EHD3: variants seen among roughly 807,000 people sequenced by gnomAD.
EHD3 encodes the protein EH domain containing 3, also known as EH domain-containing protein 3.
In EHD3, 17 loss-of-function variants were observed where a neutral mutation model predicts 43.0. The observed-to-expected ratio is 0.40, with a 90% CI of 0.27 to 0.59. EHD3 has a LOEUF of 0.59. Ranked by LOEUF, EHD3 falls within the 20% of genes least tolerant of loss-of-function variation. The pLI is 0.49. For missense variants in EHD3, 594 were observed against 705.6 expected, an observed-to-expected ratio of 0.84 and a Z score of 1.79; for synonymous variants, 313 against 289.5, an observed-to-expected ratio of 1.08 and a Z score of -0.82.
intron 5 of EHD3, among the ~76,000 whole-genome samples, chr2:31,263,216 C>T (rs925898433): frequency 8.5e-5 from 13 of 152,202 alleles, no homozygotes; most frequent in African/African-American, 1.2e-4. Flanking sequence ...GCGGGTTTCC[C>T]GGTCCTTGAC....
At chr2:31,261,023 ATG>A in intron 4 of EHD3, 101 bp downstream of exon 4, 1 of 1,364,360 alleles carries the variant, frequency 7.3e-7, no homozygotes, top group African/African-American at 1.5e-5. Context: ...CCAGTGCATC[ATG>A]TGTGTGACAC....
chr2:31,258,921 T>G (rs534651552), intron 3 of EHD3, among the ~76,000 whole-genome samples: 2 of 152,294 alleles, frequency 1.3e-5, no homozygotes, highest in Admixed American at 6.5e-5. Context: ...GGGATTCTGA[T>G]GGAGGCTAAG....
chr2:31,236,048 C>T (rs1489184850), intron 1 of EHD3, among the ~76,000 whole-genome samples: 1 of 152,196 alleles, frequency 6.6e-6, no homozygotes, highest in African/African-American at 2.4e-5. Context: ...GCATCCACAG[C>T]ATGTGAAATG....
chr2:31,250,139 A>G (rs1340711001), intron 3 of EHD3, among the ~76,000 whole-genome samples: 1 of 151,964 alleles, frequency 6.6e-6, no homozygotes, highest in Non-Finnish European at 1.5e-5. Context: ...GAATAGTATT[A>G]TCCATCTTAC....
At chr2:31,253,728 C>T (rs983320313) in intron 3 of EHD3, among the ~76,000 whole-genome samples, 1 of 152,040 alleles carries the variant, frequency 6.6e-6, no homozygotes, top group Non-Finnish European at 1.5e-5. Context: ...GGGCCTGGGG[C>T]GGGGTGTGTC....
At position 31,266,546 on chromosome 2, in the gene EHD3, A is replaced by G; in HGVS notation, c.1450A>G (p.Ile484Val). 1 of 1,614,126 alleles carries G rather than the reference A, an allele frequency of 6.2e-7. No individual in the cohort carries two copies. ...GCTGCCCAACAGTGTGCTGGGCAAG[A>G]TCTGGAAGCTGGCCGACATTGACAA... is the stretch of plus-strand genomic sequence containing the variant. Reference protein sequence around the residue: ...SKLPNSVLGKIWKLADIDKDG... With the variant: ...SKLPNSVLGKVWKLADIDKDG... Residue 484 changes from isoleucine (I) to valine (V), a missense_variant, in exon 6 of 6, where the codon ATC becomes GTC. Physicochemically the swap from Ile to Val is conservative, Grantham distance 29. This residue lies in a region of EHD3 where 322 missense variants were observed against 348.0 expected (regional missense o/e 0.93). Coordinates refer to ENST00000322054, the MANE Select transcript of EHD3 (RefSeq NM_014600.3). This position sits in a 1 kb window ranked among gnomAD's most constrained non-coding sequence, Gnocchi z 5.1.
chr2:31,234,365 C>T lies in EHD3; in HGVS notation c.-257C>T, dbSNP rs1029842708. 36 of 512,918 alleles carry T rather than the reference C, an allele frequency of 7.0e-5. No homozygotes were observed. The Admixed American group carries it at 1.2e-3, about 18-fold the overall frequency. 31.8% of individuals were successfully genotyped at this position (512,918 alleles called of 1,614,324 possible). A position where few individuals can be genotyped will look rare whatever the true frequency, so the allele number is the denominator to read the frequency against. The stretch of plus-strand genomic sequence containing the variant: ...TTTAATTGCCAAGATTTCACCCCTC[C>T]TCCTCAAGCCCAGATTATTTATCCT... On this transcript the variant is annotated 5_prime_UTR_variant, in exon 1 of 6. Coordinates refer to ENST00000322054, the MANE Select transcript of EHD3 (RefSeq NM_014600.3).
intron 1 of EHD3, among the ~76,000 whole-genome samples, chr2:31,240,981 C>T (rs1683411440): frequency 6.6e-6 from 1 of 152,162 alleles, no homozygotes; most frequent in Non-Finnish European, 1.5e-5. Flanking sequence ...TGGAATCTTT[C>T]TCGTGAAGGG....
chr2:31,252,389 G>A (rs749667901), intron 3 of EHD3, among the ~76,000 whole-genome samples: 3 of 152,210 alleles, frequency 2.0e-5, no homozygotes, highest in African/African-American at 7.2e-5. Flanking sequence ...GTATGTGGCA[G>A]GCTGGTTCCC....
chr2:31,260,814 G>A lies in EHD3; in HGVS notation c.807G>A (p.Lys269=). 6.2e-7 allele frequency: 1 copy of A among 1,614,184 alleles called. No individual in the cohort carries two copies. The highest frequency in any genetic ancestry group is 8.5e-7 in the Non-Finnish European group (1 of 1,180,032). The change falls in exon 4 of 6, where the codon AAG becomes AAA. Residue 269 remains lysine (K), a synonymous_variant. Transcript: ENST00000322054. This position sits in a 1 kb window ranked among gnomAD's most constrained non-coding sequence, Gnocchi z 4.6. ...CCCTCCTCATCCCTGACAACCGGAAGCTCTTTGAGGCTGAGGAACAGGACC... is the reference window on the plus strand; with the variant it reads ...CCCTCCTCATCCCTGACAACCGGAAACTCTTTGAGGCTGAGGAACAGGACC... The part of the protein sequence containing the change: ...SHPLLIPDNR[K]LFEAEEQDLF...
At chr2:31,237,253 A>G (rs1683340588) in intron 1 of EHD3, among the ~76,000 whole-genome samples, 2 of 151,894 alleles carry the variant, frequency 1.3e-5, no homozygotes, top group Non-Finnish European at 2.9e-5. Flanking sequence ...CCATAATCCC[A>G]TGACTTAGGA....
intron 5 of EHD3, among the ~76,000 whole-genome samples, chr2:31,265,540 T>A (rs1357397989): frequency 3.3e-5 from 5 of 152,350 alleles, no homozygotes; most frequent in African/African-American, 9.6e-5. Context: ...CTCAGGTGAC[T>A]CCGATGAGCA....
intron 1 of EHD3, among the ~76,000 whole-genome samples, chr2:31,236,617 G>T (rs758978107): frequency 1.3e-5 from 2 of 152,188 alleles, no homozygotes; most frequent in Non-Finnish European, 2.9e-5. Context: ...TTTGCAGATG[G>T]CCCTTGCCCT....
intron 5 of EHD3, among the ~76,000 whole-genome samples, chr2:31,264,185 C>T (rs1033124018): frequency 6.6e-5 from 10 of 152,212 alleles, no homozygotes; most frequent in Admixed American, 1.3e-4. Context: ...GTATGATGAC[C>T]TATTGCTTCT....
At chr2:31,249,516 G>A in intron 3 of EHD3, 48 bp downstream of exon 3, 1 of 1,566,746 alleles carries the variant, frequency 6.4e-7, no homozygotes. Flanking sequence ...CATGGTTCTG[G>A]CACGTTCAGT....
Position 31,260,794 on chromosome 2 carries a change from C to G in EHD3, c.787C>G (p.Leu263Val). 1 of 1,614,236 alleles carries G rather than the reference C, an allele frequency of 6.2e-7. No individual in the cohort carries two copies. Among genetic ancestry groups the G allele is most frequent in the Non-Finnish European group, 8.5e-7 (1 of 1,180,058 alleles). Residue 263 changes from leucine (L) to valine (V), a missense_variant, in exon 4 of 6, where the codon CTC becomes GTC. Transcript: ENST00000322054. The surrounding 1 kb of genome is among the most constrained non-coding windows in gnomAD (Gnocchi z 4.6). ...CGGCTCCTTCTGGTCCCACCCCCTC[C>G]TCATCCCTGACAACCGGAAGCTCTT... is the stretch of plus-strand genomic sequence containing the variant. ...YIGSFWSHPL[L>V]IPDNRKLFEA...
chr2:31,263,908 C>CAGAG (rs1402117364), intron 5 of EHD3, among the ~76,000 whole-genome samples: 2 of 152,316 alleles, frequency 1.3e-5, no homozygotes, highest in South Asian at 2.1e-4. Flanking sequence ...TTCAAAATTG[C>CAGAG]AGAGACCTGC....
intron 2 of EHD3, among the ~76,000 whole-genome samples, chr2:31,245,469 T>A: frequency 6.6e-6 from 1 of 150,852 alleles, no homozygotes; most frequent in Non-Finnish European, 1.5e-5. Flanking sequence ...GCTGTGGCCA[T>A]TTTTCATTGT....
chr2:31,248,776 G>A (rs190947557), intron 2 of EHD3, among the ~76,000 whole-genome samples: 2 of 152,272 alleles, frequency 1.3e-5, no homozygotes, highest in Admixed American at 1.3e-4. Flanking sequence ...ATTTACAAAT[G>A]AGGACATAAA....
Sources: allele counts gnomAD v4.1 joint callset (sites outside exome capture counted in the v4.1 genomes callset), GRCh38; gene constraint gnomAD v4.1.1; regional missense constraint gnomAD v4.1.1; non-coding constraint Gnocchi (gnomAD v3.1); transcripts MANE v1.5; gene names NCBI Gene and HGNC (gene_info 2026-07-23, HGNC 2026-07-21).